FRMPD4: variants seen among roughly 807,000 people sequenced by gnomAD.
FRMPD4 encodes FERM and PDZ domain containing 4, also known as FERM and PDZ domain-containing protein 4.
A neutral mutation model predicts 94.1 loss-of-function variants in FRMPD4; 22 were observed. That is an observed-to-expected ratio of 0.23 (90% CI 0.17 to 0.33). The LOEUF is 0.33. Ranked by LOEUF, FRMPD4 falls within the 10% of genes least tolerant of loss-of-function variation. The pLI is 1.00. For synonymous variants in FRMPD4, 631 were observed against 548.6 expected (o/e 1.15, Z -2.10); for missense variants, 1,111 against 1,339.9 (o/e 0.83, Z 2.67).
chrX:11,845,387 A>G (rs2053568558), intron 1 of FRMPD4, among the ~76,000 whole-genome samples: 1 of 111,864 alleles, frequency 8.9e-6, no homozygotes, highest in Admixed American at 9.5e-5. Context: ...GCAATAATTA[A>G]TAGCTTACCA....
At position 12,550,374 on chromosome X, in the gene FRMPD4, GGACT is replaced by G. The variant is rs1257553434; in HGVS notation, c.158+51582_158+51585del. ...CCAAAATGTAAAAAAAAAAATCCTT[GGACT>G]GACATCATAATGACCTTAAAGATGT... On this transcript the variant is annotated intron_variant, in intron 2 of 16. Coordinates refer to ENST00000675598, the MANE Select transcript of FRMPD4 (RefSeq NM_001368397.1). Among the ~76,000 whole-genome samples the G allele has an allele frequency of 1.2e-4, 13 of 109,330 alleles. No individual in the cohort carries two copies. The Admixed American group carries it at 1.3e-3, about 11-fold the overall frequency. The allele number at this position is 109,330 out of a possible 115,157, so 94.9% of individuals were successfully genotyped here.
chrX:12,721,665 C>T lies in FRMPD4; in HGVS notation c.5096C>T (p.Thr1699Ile). ...MRLVKVVNSE[T>I]QRQEIVGKID... is the part of the protein sequence containing the mutation. Reference sequence around the variant, plus strand: ...TTAGTTAAAGTCGTGAACTCAGAAACACAGCGGCAGGAAATTGTAGGGAAG... The same window carrying T: ...TTAGTTAAAGTCGTGAACTCAGAAATACAGCGGCAGGAAATTGTAGGGAAG... Residue 1699 changes from threonine to isoleucine, a missense_variant, in exon 17 of 17, where the codon ACA (threonine) becomes ATA (isoleucine). This residue lies in a region of FRMPD4 where 551 missense variants were observed against 591.6 expected (regional missense o/e 0.93). Coordinates refer to ENST00000675598, the MANE Select transcript of FRMPD4 (RefSeq NM_001368397.1). 1.3e-6 allele frequency: 1 copy of T among 752,499 alleles called. No homozygotes were observed. The highest frequency in any genetic ancestry group is 6.8e-5 in the South Asian group (1 of 14,809). 62.0% of individuals were successfully genotyped at this position (752,499 alleles called of 1,213,427 possible). A position where few individuals can be genotyped will look rare whatever the true frequency, so the allele number is the denominator to read the frequency against.
intron 2 of FRMPD4, among the ~76,000 whole-genome samples, chrX:12,583,963 C>T (rs1325327693): frequency 1.8e-5 from 2 of 111,796 alleles, no homozygotes; most frequent in African/African-American, 6.5e-5. Context: ...AAAGGAGGGT[C>T]CGTATCCCCT....
At chrX:12,029,217 C>T (rs996979485) in intron 3 of FRMPD4, among the ~76,000 whole-genome samples, 2 of 112,045 alleles carry the variant, frequency 1.8e-5, no homozygotes, top group African/African-American at 6.5e-5. Flanking sequence ...ATTTGCATTT[C>T]CCTGGTGACA....
At chrX:12,153,226 G>A (rs775140191) in intron 1 of FRMPD4, among the ~76,000 whole-genome samples, 6 of 111,536 alleles carry the variant, frequency 5.4e-5, no homozygotes, top group Admixed American at 4.7e-4. Context: ...GTGAGCCACC[G>A]CGAGCTTATA....
intron 1 of FRMPD4, among the ~76,000 whole-genome samples, chrX:12,157,421 T>C (rs886104660): frequency 9.0e-6 from 1 of 111,501 alleles, no homozygotes; most frequent in Admixed American, 9.5e-5. Flanking sequence ...TGGCTACTGA[T>C]CATCAGACTT....
chrX:11,870,581 A>G (rs2053750629), intron 2 of FRMPD4, among the ~76,000 whole-genome samples: 1 of 111,391 alleles, frequency 9.0e-6, no homozygotes, highest in Admixed American at 9.5e-5. Context: ...GCCCGGGGTG[A>G]GAGGGGCCCT....
At chrX:11,822,757 T>C (rs1306595024) in intron 1 of FRMPD4, among the ~76,000 whole-genome samples, 3 of 111,932 alleles carry the variant, frequency 2.7e-5, no homozygotes, top group African/African-American at 9.7e-5. Flanking sequence ...CCTGGAAATT[T>C]GTGGGGAGGC....
intron 3 of FRMPD4, among the ~76,000 whole-genome samples, chrX:12,096,650 T>C (rs1481979863): frequency 9.0e-6 from 1 of 111,728 alleles, no homozygotes; most frequent in Non-Finnish European, 1.9e-5. Flanking sequence ...TTTAGGAGGC[T>C]GGGGCAGTAG....
chrX:12,280,279 A>ATAATAATAAT, intron 1 of FRMPD4, among the ~76,000 whole-genome samples: 1 of 108,205 alleles, frequency 9.2e-6, no homozygotes. Context: ...AATAATAATA[A>ATAATAATAAT]AACCAAGTTT....
At chrX:12,460,142 T>A (rs2057376896) in intron 1 of FRMPD4, among the ~76,000 whole-genome samples, 1 of 112,277 alleles carries the variant, frequency 8.9e-6, no homozygotes, top group African/African-American at 3.2e-5. Context: ...ATCAAATCTT[T>A]ACATATTCTG....
intron 3 of FRMPD4, among the ~76,000 whole-genome samples, chrX:11,879,965 T>C (rs1023236781): frequency 8.9e-6 from 1 of 112,720 alleles, no homozygotes; most frequent in African/African-American, 3.2e-5. Context: ...GTATGCCTCA[T>C]GGCTGATCTG....
intron 2 of FRMPD4, among the ~76,000 whole-genome samples, chrX:12,603,753 T>TA (rs1322872859): frequency 2.3e-3 from 245 of 106,280 alleles, no homozygotes; most frequent in Non-Finnish European, 3.7e-3. Flanking sequence ...GTTCAGCAGG[T>TA]AAAAAAAAAA....
chrX:12,082,474 A>G (rs1215189800), intron 3 of FRMPD4, among the ~76,000 whole-genome samples: 1 of 111,861 alleles, frequency 8.9e-6, no homozygotes, highest in Non-Finnish European at 1.9e-5. Context: ...TTTTGTTCCC[A>G]GTTTTGGGGA....
At chrX:12,202,429 T>G (rs1177073695) in intron 1 of FRMPD4, among the ~76,000 whole-genome samples, 2 of 112,010 alleles carry the variant, frequency 1.8e-5, no homozygotes, top group Non-Finnish European at 3.8e-5. Context: ...CGGAATAACA[T>G]CACCTATAAA....
At chrX:12,274,079 A>G (rs1273486517) in intron 1 of FRMPD4, among the ~76,000 whole-genome samples, 2 of 111,553 alleles carry the variant, frequency 1.8e-5, no homozygotes, top group East Asian at 2.8e-4. Flanking sequence ...AAGAATGTAA[A>G]ATGTGGAGTC....
chrX:12,321,340 TATG>T (rs756396170), intron 1 of FRMPD4, among the ~76,000 whole-genome samples: 163 of 112,342 alleles, frequency 1.5e-3, no homozygotes, highest in African/African-American at 4.9e-3. Flanking sequence ...GTCCCCAACT[TATG>T]ATATTTTGAC....
chrX:12,206,626 A>T (rs1193140913), intron 1 of FRMPD4, among the ~76,000 whole-genome samples: 1 of 112,107 alleles, frequency 8.9e-6, no homozygotes, highest in African/African-American at 3.2e-5. Context: ...GAGGTCTCAG[A>T]TGCAGCAGTG....
intron 1 of FRMPD4, among the ~76,000 whole-genome samples, chrX:11,847,773 A>G (rs1435754828): frequency 1.9e-5 from 2 of 106,141 alleles, no homozygotes; most frequent in Non-Finnish European, 3.9e-5. Context: ...TCAGTAAACT[A>G]TCGCAAGAAC....
Sources: gnomAD v4.1 joint callset for allele counts (sites outside exome capture counted in the v4.1 genomes callset) on GRCh38, gnomAD v4.1.1 for gene constraint, gnomAD v4.1.1 regional missense constraint, MANE v1.5 for transcripts, NCBI Gene and HGNC (gene_info 2026-07-23, HGNC 2026-07-21) for gene names.